POC1B: variants seen among roughly 807,000 people sequenced by gnomAD.
POC1B encodes the protein POC1 centriolar protein B.
POC1B carries 44 observed loss-of-function variants against 60.6 expected under a neutral mutation model. That is an observed-to-expected ratio of 0.73 (90% CI 0.57 to 0.93). The LOEUF is 0.93. Among genes scored for constraint, POC1B ranks in the 40% least tolerant of loss-of-function variants. The probability of loss-of-function intolerance (pLI) is 0.00; values close to 1 mark genes in which losing one functional copy is unlikely to be tolerated. For missense variants in POC1B, 555 were observed against 572.3 expected (o/e 0.97, Z 0.31); for synonymous variants, 180 against 198.9 (o/e 0.90, Z 0.80).
chr12:89,498,517 G>A (rs1869374359), intron 2 of POC1B, among the ~76,000 whole-genome samples: 1 of 152,126 alleles, frequency 6.6e-6, no homozygotes, highest in Non-Finnish European at 1.5e-5. Context: ...GAAACATAGG[G>A]CCTGGCTATA....
chr12:89,412,668 C>T, the POC1B span, among the ~76,000 whole-genome samples: 1 of 122,386 alleles, frequency 8.2e-6, no homozygotes. Context: ...CAGAGTAAGA[C>T]TCCGTCTCAA....
intron 2 of POC1B, chr12:89,519,912 A>G (rs1311175716): frequency 4.6e-5 from 7 of 152,182 alleles, no homozygotes; most frequent in African/African-American, 1.7e-4. Context: ...TCTACCAAAT[A>G]TTTTCCTAAA....
chr12:89,448,964 G>A (rs1052949616), intron 10 of POC1B, among the ~76,000 whole-genome samples: 1 of 152,168 alleles, frequency 6.6e-6, no homozygotes, highest in African/African-American at 2.4e-5. Context: ...CAAACTGGAG[G>A]TCCTCAGTAC....
At position 89,468,904 on chromosome 12, in the gene POC1B, T is replaced by G. The variant is rs563519617; in HGVS notation, c.811-1219A>C. 2.6e-5 allele frequency among the ~76,000 whole-genome samples: 4 copies of G among 151,210 alleles called. No homozygotes were observed. The East Asian group carries it at 7.7e-4, about 29-fold the overall frequency. The stretch of plus-strand genomic sequence containing the variant: ...AAGTACCTCAAAAAAAAAAAGAGGA[T>G]GCATTCTAAAAAATTCAGAGAAGTT... On this transcript the variant is annotated intron_variant, in intron 7 of 11. Coordinates refer to ENST00000313546, the MANE Select transcript of POC1B (RefSeq NM_172240.3).
chr12:89,472,328 C>G (rs1477504139), intron 4 of POC1B, 53 bp from the exon 5 acceptor site: 17 of 1,137,838 alleles, frequency 1.5e-5, no homozygotes, highest in African/African-American at 3.1e-5. Context: ...GGAGAGTCAC[C>G]ACCTCACCTC....
At chr12:89,515,636 T>C (rs1469017749) in intron 2 of POC1B, among the ~76,000 whole-genome samples, 2 of 152,098 alleles carry the variant, frequency 1.3e-5, no homozygotes, top group African/African-American at 4.8e-5. Flanking sequence ...TCCAAAGACC[T>C]TTTTTCTCCT....
chr12:89,517,711 C>G (rs1322091254), intron 2 of POC1B, among the ~76,000 whole-genome samples: 1 of 152,024 alleles, frequency 6.6e-6, no homozygotes, highest in Admixed American at 6.5e-5. Context: ...CATGTTGTTC[C>G]AACAAATGGA....
At chr12:89,442,560 A>AT (rs1309150984) in intron 10 of POC1B, among the ~76,000 whole-genome samples, 1 of 152,210 alleles carries the variant, frequency 6.6e-6, no homozygotes, top group Non-Finnish European at 1.5e-5. Flanking sequence ...ATGCTGAGGG[A>AT]TTTTGTCACC....
chr12:89,406,921 G>T, the POC1B span, among the ~76,000 whole-genome samples: 1 of 151,704 alleles, frequency 6.6e-6, no homozygotes, highest in Admixed American at 6.6e-5. Context: ...GGAGACGATA[G>T]GATCACCTGC....
intron 4 of POC1B, among the ~76,000 whole-genome samples, chr12:89,482,899 A>G (rs1868418584): frequency 6.6e-6 from 1 of 150,632 alleles, no homozygotes; most frequent in South Asian, 2.1e-4. Flanking sequence ...TAATTGAATC[A>G]TGGGGGTGGT....
At chr12:89,473,548 C>T (rs866509608) in intron 4 of POC1B, among the ~76,000 whole-genome samples, 4 of 151,534 alleles carry the variant, frequency 2.6e-5, no homozygotes, top group Middle Eastern at 3.2e-3. Context: ...GTAATCCCAG[C>T]TACTCAGGAG....
Position 89,497,995 on chromosome 12 carries a change from A to C in POC1B, c.101-653T>G, listed in dbSNP as rs558700424. Among the ~76,000 whole-genome samples, 8 of 152,326 alleles carry C rather than the reference A, an allele frequency of 5.3e-5. No individual in the cohort carries two copies. In the South Asian group the frequency reaches 1.7e-3, roughly 32 times the overall value. ...AGGAGTAAGTTATGCAACTCACAGCATCTTTATTCCTAAATACTTCAGTGT... is the reference window on the plus strand; with the variant it reads ...AGGAGTAAGTTATGCAACTCACAGCCTCTTTATTCCTAAATACTTCAGTGT... On this transcript the variant is annotated intron_variant, in intron 2 of 11. Transcript: ENST00000313546.
intron 5 of POC1B, among the ~76,000 whole-genome samples, 186 bp from the exon 6 acceptor site, chr12:89,471,915 A>G (rs80184069): frequency 0.019 from 2,857 of 152,020 alleles, 71 homozygotes; most frequent in African/African-American, 0.06. Context: ...TTACAGGCAC[A>G]TATCACCATG....
chr12:89,490,501 C>T (rs10858877), intron 4 of POC1B, among the ~76,000 whole-genome samples: 29,384 of 152,064 alleles, frequency 0.19, 3,254 homozygotes, highest in South Asian at 0.36. Context: ...CCTGCCACCA[C>T]GCCTAGCTAA....
intron 4 of POC1B, among the ~76,000 whole-genome samples, chr12:89,477,986 C>T (rs985006433): frequency 6.6e-6 from 1 of 152,168 alleles, no homozygotes; most frequent in Non-Finnish European, 1.5e-5. Context: ...AAGCTCTCTG[C>T]TTCAATGTCA....
rs760655244 is a variant in POC1B at position 89,425,167 on chromosome 12, C to T, written c.1326G>A (p.Leu442=). 3.1e-6 allele frequency: 5 copies of T among 1,614,002 alleles called. No individual in the cohort carries two copies. Among genetic ancestry groups the T allele is most frequent in the Non-Finnish European group, 4.2e-6 (5 of 1,179,916 alleles). ...LEHIMEQLNV[L]TQTVSILEQR... ...CAACCTGTGTCATGCCCACCTGTGT[C>T]AAAACATTGAGTTGTTCCATAATAT... The change falls in exon 11 of 12, where the codon TTG becomes TTA. Residue 442 remains leucine (L), a synonymous_variant. Transcript: ENST00000313546.
At position 89,431,490 on chromosome 12, in the gene POC1B, CTGCCTGAAATAGACTAGAA is replaced by C. The variant is rs1881029733; in HGVS notation, c.1114-6130_1114-6112del. ...ACACACACACGTATGTATAAAACGT[CTGCCTGAAATAGACTAGAA>C]TAACAACAAAAAAAGCCTTTTGCCT... On this transcript the variant is annotated intron_variant, in intron 10 of 11. Coordinates refer to ENST00000313546, the MANE Select transcript of POC1B (RefSeq NM_172240.3). 5.3e-5 allele frequency among the ~76,000 whole-genome samples: 8 copies of C among 152,184 alleles called. No homozygotes were observed. The South Asian group carries it at 1.7e-3, about 32-fold the overall frequency.
At chr12:89,459,016 C>CA (rs753556843) in intron 10 of POC1B, among the ~76,000 whole-genome samples, 36 of 152,116 alleles carry the variant, frequency 2.4e-4, no homozygotes, top group Non-Finnish European at 3.8e-4. Context: ...GATAATCCAT[C>CA]AAAAGAGATT....
At chr12:89,523,664 T>C (rs372173926) in intron 2 of POC1B, 2 of 1,538,302 alleles carry the variant, frequency 1.3e-6, no homozygotes, top group East Asian at 2.2e-5. Flanking sequence ...GATATCCGCC[T>C]GTCCCTTTCC....
Sources: gnomAD v4.1 joint callset for allele counts (sites outside exome capture counted in the v4.1 genomes callset) on GRCh38, gnomAD v4.1.1 for gene constraint, MANE v1.5 for transcripts, NCBI Gene and HGNC (gene_info 2026-07-23, HGNC 2026-07-21) for gene names.